The following RRH variants were observed in gnomAD, a reference collection of about 807,000 sequenced individuals.
The protein encoded by RRH is visual pigment-like receptor peropsin.
RRH carries 36 observed loss-of-function variants against 33.1 expected under a neutral mutation model. That is an observed-to-expected ratio of 1.09 (90% CI 0.83 to 1.44). The LOEUF (loss-of-function observed/expected upper bound fraction) is 1.44. Among genes scored for constraint, RRH ranks in the 40% most tolerant of loss-of-function variants. The pLI is 0.00. For synonymous variants in RRH, 124 were observed against 140.2 expected, an observed-to-expected ratio of 0.88 and a Z score of 0.82; for missense variants, 393 against 420.2, an observed-to-expected ratio of 0.94 and a Z score of 0.57.
chr4:109,841,687 T>G (rs1373227071), intron 5 of RRH, among the ~76,000 whole-genome samples: 1 of 152,176 alleles, frequency 6.6e-6, no homozygotes, highest in Admixed American at 6.5e-5. Context: ...TTTATTTACT[T>G]ATTTATAAAA....
chr4:109,844,048 T>C, intron 6 of RRH, 35 bp from the exon 7 acceptor site: 1 of 1,346,118 alleles, frequency 7.4e-7, no homozygotes. Flanking sequence ...CAAATCATTA[T>C]GGGTTAATGC....
Position 109,829,594 on chromosome 4 carries a change from GT to G in RRH, c.106+1463del, listed in dbSNP as rs563282272. On this transcript the variant is annotated intron_variant, in intron 1 of 6. Transcript: ENST00000317735. ...GAATACTTGCTATATACCAAGCACT[GT>G]TCTAAAACCTTACACATACAGAATA... 6.7e-4 allele frequency among the ~76,000 whole-genome samples: 102 copies of G among 152,148 alleles called. 3 individuals are homozygous for G. Among genetic ancestry groups the G allele is most frequent in the Admixed American group, 5.6e-3 (86 of 15,270 alleles).
intron 6 of RRH, among the ~76,000 whole-genome samples, chr4:109,843,637 T>A (rs1734024692): frequency 6.6e-6 from 1 of 152,218 alleles, no homozygotes; most frequent in South Asian, 2.1e-4. Flanking sequence ...ACATTTTAAA[T>A]TCAGAATCTG....
chr4:109,837,643 A>G lies in RRH; in HGVS notation c.720+38A>G, dbSNP rs771450813. The stretch of plus-strand genomic sequence containing the variant: ...AATCCTTGAAAAATTGTTGTCATGG[A>G]GCTTTTACCCACTCATAGTTGAAAG... On this transcript the variant is annotated intron_variant, in intron 5 of 6. Coordinates refer to ENST00000317735, the MANE Select transcript of RRH (RefSeq NM_006583.5). 4 of 1,550,180 alleles carry G rather than the reference A, an allele frequency of 2.6e-6. No homozygotes were observed. In the Admixed American group the frequency reaches 6.9e-5, roughly 27 times the overall value.
chr4:109,829,659 T>G (rs1187801931), intron 1 of RRH, among the ~76,000 whole-genome samples: 1 of 152,164 alleles, frequency 6.6e-6, no homozygotes, highest in Non-Finnish European at 1.5e-5. Context: ...ACTCTTCAGT[T>G]TTATTTCTCT....
chr4:109,834,815 T>C (rs986187669), intron 2 of RRH, among the ~76,000 whole-genome samples: 3 of 152,216 alleles, frequency 2.0e-5, no homozygotes, highest in African/African-American at 7.2e-5. Context: ...CCAAAATAGT[T>C]ATTCAGATTA....
intron 6 of RRH, among the ~76,000 whole-genome samples, chr4:109,843,856 A>C (rs764740710): frequency 1.3e-5 from 2 of 152,208 alleles, no homozygotes; most frequent in Non-Finnish European, 2.9e-5. Flanking sequence ...ATATTTATAA[A>C]GTTTCTCAAC....
intron 5 of RRH, 61 bp from the exon 6 acceptor site, chr4:109,842,408 A>T: frequency 7.0e-7 from 1 of 1,434,352 alleles, no homozygotes; most frequent in Non-Finnish European, 9.7e-7. Flanking sequence ...ACCCAACTTT[A>T]GATATATTAA....
chr4:109,842,719 G>A, intron 6 of RRH, 72 bp downstream of exon 6: 1 of 1,370,932 alleles, frequency 7.3e-7, no homozygotes, highest in Non-Finnish European at 1.0e-6. Flanking sequence ...CTTCTTGGGA[G>A]AGAAGTGACA....
chr4:109,844,112 A>C lies in RRH; in HGVS notation c.929A>C (p.Lys310Thr). 6.2e-7 allele frequency: 1 copy of C among 1,613,878 alleles called. No homozygotes were observed. Among genetic ancestry groups the C allele is most frequent in the Non-Finnish European group, 8.5e-7 (1 of 1,179,768 alleles). The change falls in exon 7 of 7, where the codon AAA becomes ACA. Residue 310 changes from lysine to threonine, a missense_variant. Coordinates refer to ENST00000317735, the MANE Select transcript of RRH (RefSeq NM_006583.5). ...KFRRAMLAMF[K>T]CQTHQTMPVT... ...CGGAGGGCAATGCTTGCCATGTTCA[A>C]ATGTCAGACTCACCAAACAATGCCT...
intron 6 of RRH, 102 bp downstream of exon 6, chr4:109,842,749 C>A: frequency 2.0e-6 from 2 of 1,019,976 alleles, no homozygotes; most frequent in Non-Finnish European, 3.0e-6. Flanking sequence ...TTCAATCTAG[C>A]ATAAAGGTCA....
At chr4:109,835,115 A>G (rs1227814239) in intron 2 of RRH, among the ~76,000 whole-genome samples, 1 of 152,128 alleles carries the variant, frequency 6.6e-6, no homozygotes, top group African/African-American at 2.4e-5. Flanking sequence ...CTGTTCATAG[A>G]GTGTTGTAAA....
At chr4:109,830,850 C>T (rs540253976) in intron 1 of RRH, among the ~76,000 whole-genome samples, 1 of 152,172 alleles carries the variant, frequency 6.6e-6, no homozygotes, top group East Asian at 1.9e-4. Context: ...CAAGAAGGGT[C>T]TGTTGAAGAG....
chr4:109,829,180 T>G (rs1733697629), intron 1 of RRH, among the ~76,000 whole-genome samples: 1 of 428 alleles, frequency 2.3e-3, no homozygotes, highest in African/African-American at 2.8e-3. Flanking sequence ...AGTTTATAAT[T>G]GTTTACGTTT....
chr4:109,829,974 ATG>A (rs202143277), intron 1 of RRH, among the ~76,000 whole-genome samples: 1,547 of 152,296 alleles, frequency 0.01, 16 homozygotes, highest in Non-Finnish European at 0.016. Flanking sequence ...AACCAAAACT[ATG>A]AGGAAAGGGT....
chr4:109,834,195 T>G (rs1293088951), intron 2 of RRH, among the ~76,000 whole-genome samples: 1 of 152,248 alleles, frequency 6.6e-6, no homozygotes, highest in Non-Finnish European at 1.5e-5. Flanking sequence ...GGTTTATCCA[T>G]GTTGATGGAT....
At chr4:109,835,239 T>A in intron 2 of RRH, 127 bp from the exon 3 acceptor site, 1 of 684,404 alleles carries the variant, frequency 1.5e-6, no homozygotes, top group Non-Finnish European at 2.7e-6. Context: ...ACAATGAAGA[T>A]GTATTTTAAA....
At chr4:109,840,431 G>C (rs1259176199) in intron 5 of RRH, among the ~76,000 whole-genome samples, 1 of 152,038 alleles carries the variant, frequency 6.6e-6, no homozygotes, top group East Asian at 1.9e-4. Context: ...TGTTTACTCT[G>C]TTTATAGTTT....
chr4:109,835,555 G>GT, intron 3 of RRH, 90 bp downstream of exon 3: 1 of 943,704 alleles, frequency 1.1e-6, no homozygotes, highest in Non-Finnish European at 1.7e-6. Context: ...AAACCTAATG[G>GT]TTTGTAGTTA....
Sources: gnomAD v4.1 joint callset for allele counts (sites outside exome capture counted in the v4.1 genomes callset) on GRCh38, gnomAD v4.1.1 for gene constraint, MANE v1.5 for transcripts, NCBI Gene and HGNC (gene_info 2026-07-23, HGNC 2026-07-21) for gene names.